Variants in TAFA2 observed in about 807,000 individuals in gnomAD.
TAFA2 encodes chemokine-like protein TAFA-2.
Under a neutral mutation model 18.8 loss-of-function variants are expected in TAFA2, and 7 were observed. The observed-to-expected ratio is 0.37, with a 90% CI of 0.21 to 0.70. TAFA2 has a LOEUF of 0.70. Among genes scored for constraint, TAFA2 ranks in the 30% least tolerant of loss-of-function variants. The probability of loss-of-function intolerance (pLI) is 0.53; values close to 1 mark genes in which losing one functional copy is unlikely to be tolerated. For missense variants in TAFA2, 122 were observed against 158.1 expected, an observed-to-expected ratio of 0.77 and a Z score of 1.23; for synonymous variants, 60 against 54.2, an observed-to-expected ratio of 1.11 and a Z score of -0.47.
rs189178142 is a variant in TAFA2 at position 62,014,138 on chromosome 12, G to A, written c.-1-146712C>T. Among the ~76,000 whole-genome samples, 725 of 150,856 alleles carry A rather than the reference G, an allele frequency of 4.8e-3. 2 individuals carry two copies. Among genetic ancestry groups the A allele is most frequent in the Non-Finnish European group, 7.3e-3 (496 of 68,002 alleles). ...CACATCAAAACATTCTACTGACATC[G>A]AAAACCTTAATTTTATACTTCAGGC... On this transcript the variant is annotated intron_variant, in intron 1 of 4. Coordinates refer to ENST00000416284, the MANE Select transcript of TAFA2 (RefSeq NM_178539.5).
At chr12:61,909,279 T>TA (rs1247267425) in intron 1 of TAFA2, among the ~76,000 whole-genome samples, 2 of 152,178 alleles carry the variant, frequency 1.3e-5, no homozygotes, top group African/African-American at 4.8e-5. Context: ...AGCATCCTAA[T>TA]ATTGCTTAGG....
At chr12:62,159,186 T>G (rs1268270369) in intron 1 of TAFA2, among the ~76,000 whole-genome samples, 1 of 152,180 alleles carries the variant, frequency 6.6e-6, no homozygotes, top group African/African-American at 2.4e-5. Flanking sequence ...AGGTTGAAGT[T>G]GTTTCCTTAA....
chr12:62,214,546 T>G (rs888457659), intron 1 of TAFA2, among the ~76,000 whole-genome samples: 4 of 152,200 alleles, frequency 2.6e-5, no homozygotes, highest in Admixed American at 2.0e-4. Context: ...AATTTATATG[T>G]TGAAGTCCTA....
chr12:62,149,570 T>TTA (rs916645902), intron 1 of TAFA2, among the ~76,000 whole-genome samples: 141 of 147,588 alleles, frequency 9.6e-4, no homozygotes, highest in African/African-American at 3.2e-3. Flanking sequence ...TATATTCTAT[T>TTA]TATATATATA....
intron 1 of TAFA2, among the ~76,000 whole-genome samples, chr12:61,964,115 A>G (rs1878988222): frequency 6.6e-6 from 1 of 152,014 alleles, no homozygotes; most frequent in Non-Finnish European, 1.5e-5. Flanking sequence ...CTAAAACCAT[A>G]AAACCCCTAG....
At chr12:61,928,906 G>T (rs547564431) in intron 1 of TAFA2, among the ~76,000 whole-genome samples, 1 of 152,148 alleles carries the variant, frequency 6.6e-6, no homozygotes, top group Non-Finnish European at 1.5e-5. Flanking sequence ...ACTAACACAG[G>T]AACAGAAAAC....
In TAFA2 at chr12:62,080,211, T is replaced by G. The variant is rs1316207444; in HGVS notation, c.-2+111048A>C. Among the ~76,000 whole-genome samples, 3 of 152,332 alleles carry G rather than the reference T, an allele frequency of 2.0e-5. No individual in the cohort carries two copies. In the East Asian group the frequency reaches 5.8e-4, roughly 29 times the overall value. ...CAAAGCAAGCAACAAAGATTCTCCC[T>G]TATGTCAAAGGGATATGTATATCCC... On this transcript the variant is annotated intron_variant, in intron 1 of 4. Coordinates refer to ENST00000416284, the MANE Select transcript of TAFA2 (RefSeq NM_178539.5).
chr12:61,887,523 T>C (rs1390825893), intron 1 of TAFA2, among the ~76,000 whole-genome samples: 1 of 151,136 alleles, frequency 6.6e-6, no homozygotes, highest in East Asian at 2.0e-4. Flanking sequence ...CATGCTGGTG[T>C]GCTGCACCCA....
chr12:62,157,907 G>A (rs1174802880), intron 1 of TAFA2, among the ~76,000 whole-genome samples: 2 of 152,128 alleles, frequency 1.3e-5, no homozygotes, highest in East Asian at 3.8e-4. Flanking sequence ...CTTGTTTAGA[G>A]CTCTATCTCC....
intron 1 of TAFA2, among the ~76,000 whole-genome samples, chr12:62,003,628 T>C (rs761770841): frequency 6.6e-6 from 1 of 152,232 alleles, no homozygotes; most frequent in Non-Finnish European, 1.5e-5. Context: ...ACTGCACTTT[T>C]AAATGTCTAC....
intron 2 of TAFA2, among the ~76,000 whole-genome samples, chr12:61,756,286 G>A (rs1869264285): frequency 6.6e-6 from 1 of 151,970 alleles, no homozygotes. Context: ...TACCATTTCT[G>A]CCACTGTAGA....
At chr12:61,827,165 C>T (rs1411214194) in intron 2 of TAFA2, 4 of 152,026 alleles carry the variant, frequency 2.6e-5, no homozygotes, top group East Asian at 1.9e-4. Flanking sequence ...TTCTCCTTCC[C>T]CTGCATTTTT....
At position 61,997,804 on chromosome 12, in the gene TAFA2, A is replaced by AT. The variant is rs968295375; in HGVS notation, c.-1-130379dup. On this transcript the variant is annotated intron_variant, in intron 1 of 4. Transcript: ENST00000416284. ...GTTCCACTTAAGCATTGTTTTTTGG[A>AT]TTTTTTTTTTCAAATAAACATTTTC... 7.8e-3 allele frequency among the ~76,000 whole-genome samples: 1,181 copies of AT among 150,700 alleles called. 8 individuals are homozygous for AT. Among genetic ancestry groups the AT allele is most frequent in the Non-Finnish European group, 0.012 (802 of 67,546 alleles).
chr12:61,713,391 A>G (rs945652568), intron 4 of TAFA2, among the ~76,000 whole-genome samples: 3 of 152,210 alleles, frequency 2.0e-5, no homozygotes, highest in Admixed American at 2.0e-4. Flanking sequence ...CATGATTCAC[A>G]AATTGTTCTT....
intron 1 of TAFA2, among the ~76,000 whole-genome samples, chr12:62,028,319 T>C (rs961779426): frequency 6.6e-6 from 1 of 152,148 alleles, no homozygotes; most frequent in African/African-American, 2.4e-5. Flanking sequence ...GCTAGACCCG[T>C]GACAGAAAGA....
At chr12:62,010,640 C>T (rs1378201571) in intron 1 of TAFA2, among the ~76,000 whole-genome samples, 2 of 151,938 alleles carry the variant, frequency 1.3e-5, no homozygotes, top group African/African-American at 4.8e-5. Flanking sequence ...AGGAGCGCCT[C>T]TGCCCGGCCG....
chr12:61,934,835 T>C (rs982966566), intron 1 of TAFA2, among the ~76,000 whole-genome samples: 6 of 152,240 alleles, frequency 3.9e-5, no homozygotes, highest in African/African-American at 1.4e-4. Context: ...GACCAAAGTC[T>C]AAATATATAA....
chr12:62,189,940 T>G (rs902788158), intron 1 of TAFA2, among the ~76,000 whole-genome samples: 12 of 142,022 alleles, frequency 8.4e-5, no homozygotes, highest in African/African-American at 1.6e-4. Flanking sequence ...TGAGTTTGCT[T>G]TGTGTGTGTG....
intron 2 of TAFA2, among the ~76,000 whole-genome samples, chr12:61,781,274 G>C (rs1565631549): frequency 1.3e-5 from 2 of 151,632 alleles, no homozygotes; most frequent in Non-Finnish European, 3.0e-5. Flanking sequence ...TAAAAGGCAG[G>C]AGAATGAGGG....
Sources: gnomAD v4.1 joint callset for allele counts (sites outside exome capture counted in the v4.1 genomes callset) on GRCh38, gnomAD v4.1.1 for gene constraint, MANE v1.5 for transcripts, NCBI Gene and HGNC (gene_info 2026-07-23, HGNC 2026-07-21) for gene names.